Variants in AFF3 observed in about 807,000 individuals in gnomAD.
The protein encoded by AFF3 is ALF transcription elongation factor 3, also known as AF4/FMR2 family member 3.
Under a neutral mutation model 129.7 loss-of-function variants are expected in AFF3, and 32 were observed. The observed-to-expected ratio is 0.25, with a 90% CI of 0.19 to 0.33. The LOEUF (loss-of-function observed/expected upper bound fraction) is 0.33. Among genes scored for constraint, AFF3 ranks in the 10% least tolerant of loss-of-function variants. AFF3 has a pLI of 1.00. For synonymous variants in AFF3, 644 were observed against 635.4 expected (o/e 1.01, Z -0.20); for missense variants, 1,373 against 1,592.0 (o/e 0.86, Z 2.34).
At chr2:99,918,165 A>G (rs1044932785) in intron 7 of AFF3, among the ~76,000 whole-genome samples, 3 of 152,104 alleles carry the variant, frequency 2.0e-5, no homozygotes, top group African/African-American at 7.2e-5. Context: ...AATATGGTGC[A>G]TTTTTCCCCC....
chr2:99,593,804 C>T lies in AFF3; in HGVS notation c.1857G>A (p.Val619=). The T allele has an allele frequency of 1.2e-6, 2 of 1,610,976 alleles. No individual in the cohort carries two copies. Among genetic ancestry groups the T allele is most frequent in the Non-Finnish European group, 1.7e-6 (2 of 1,179,440 alleles). ...TGGTTTTGGTGGGCTCCGGGGGGAC[C>T]ACCACGCTCGTCCCCAGCGCGTCCG... ...AAADALGTSV[V]VPPEPTKTRP... The change falls in exon 15 of 25, where the codon GTG becomes GTA. Residue 619 remains valine (V), a synonymous_variant. Coordinates refer to ENST00000672756, the MANE Select transcript of AFF3 (RefSeq NM_001386135.1).
intron 4 of AFF3, among the ~76,000 whole-genome samples, chr2:100,096,286 G>C (rs1484646444): frequency 2.0e-5 from 3 of 151,736 alleles, no homozygotes; most frequent in Non-Finnish European, 4.4e-5. Context: ...AGAACTGAGA[G>C]GCTATAAAAA....
At chr2:99,743,132 G>T (rs981949230) in intron 10 of AFF3, among the ~76,000 whole-genome samples, 2 of 67,604 alleles carry the variant, frequency 3.0e-5, no homozygotes, top group South Asian at 2.4e-3. Context: ...CCTCATCGCT[G>T]GTGCCTGTAC....
At chr2:99,981,464 C>T (rs1679396986) in intron 7 of AFF3, among the ~76,000 whole-genome samples, 1 of 152,158 alleles carries the variant, frequency 6.6e-6, no homozygotes, top group Non-Finnish European at 1.5e-5. Flanking sequence ...AAGTTAACAA[C>T]TATTTAAACT....
chr2:99,931,281 A>G (rs1346851879), intron 7 of AFF3, among the ~76,000 whole-genome samples: 1 of 152,260 alleles, frequency 6.6e-6, no homozygotes, highest in African/African-American at 2.4e-5. Context: ...GGAGATGTCA[A>G]GAAAAGTGAG....
At chr2:99,885,207 C>T (rs1576275248) in intron 7 of AFF3, among the ~76,000 whole-genome samples, 1 of 152,184 alleles carries the variant, frequency 6.6e-6, no homozygotes, top group Admixed American at 6.5e-5. Context: ...GGAACATCTG[C>T]TCATCCATCC....
chr2:99,702,011 T>C (rs1322849754), intron 11 of AFF3, among the ~76,000 whole-genome samples: 3 of 152,250 alleles, frequency 2.0e-5, no homozygotes, highest in Non-Finnish European at 4.4e-5. Context: ...CTTTTATTGC[T>C]GGGTAGCATT....
At chr2:99,819,279 G>C (rs1687470098) in intron 8 of AFF3, among the ~76,000 whole-genome samples, 1 of 152,104 alleles carries the variant, frequency 6.6e-6, no homozygotes. Context: ...GATTCTTCAG[G>C]GAAGTCTGCT....
At chr2:100,114,477 G>C (rs1691650670) in intron 2 of AFF3, among the ~76,000 whole-genome samples, 1 of 152,296 alleles carries the variant, frequency 6.6e-6, no homozygotes, top group Admixed American at 6.5e-5. Context: ...TGCCTCCCGA[G>C]TTCAAGGGAG....
chr2:99,594,400 C>T lies in AFF3; in HGVS notation c.1372-111G>A, dbSNP rs186663372. On this transcript the variant is annotated intron_variant, in intron 14 of 24. Coordinates refer to ENST00000672756, the MANE Select transcript of AFF3 (RefSeq NM_001386135.1). ...CTTCTCTAAGTATATGAGCAGAAAA[C>T]GAATGGGCTGGAAGCAAAAGGAAAA... 5.3e-5 allele frequency: 77 copies of T among 1,446,808 alleles called. No individual in the cohort carries two copies. The East Asian group carries it at 1.6e-3, about 29-fold the overall frequency. The allele number at this position is 1,446,808 out of a possible 1,614,324, so 89.6% of individuals were successfully genotyped here. A position where few individuals can be genotyped will look rare whatever the true frequency, so the allele number is the denominator to read the frequency against.
intron 7 of AFF3, among the ~76,000 whole-genome samples, chr2:99,881,504 C>T (rs200399656): frequency 2.7e-5 from 4 of 149,842 alleles, no homozygotes; most frequent in African/African-American, 4.9e-5. Flanking sequence ...AGTACTTGAA[C>T]ACTTTATGGG....
chr2:99,715,908 G>A (rs371484454), intron 11 of AFF3, among the ~76,000 whole-genome samples: 3 of 152,242 alleles, frequency 2.0e-5, no homozygotes, highest in South Asian at 4.1e-4. Flanking sequence ...TCCTGACCTC[G>A]TGATCCGCCT....
rs113403180 is a variant in AFF3, at chr2:99,676,894, G to A, written c.1092-4305C>T. On this transcript the variant is annotated intron_variant, in intron 11 of 24. Transcript: ENST00000672756. ...GCCCTGGGAGCTAGCGGGTGGCCACGAGGCCAGGAGTCCCTCCACGAGGAG... is the reference window on the plus strand; with the variant it reads ...GCCCTGGGAGCTAGCGGGTGGCCACAAGGCCAGGAGTCCCTCCACGAGGAG... Among the ~76,000 whole-genome samples the A allele has an allele frequency of 3.5e-4, 54 of 152,248 alleles. 1 individual carries two copies. Among genetic ancestry groups the A allele is most frequent in the African/African-American group, 1.2e-3 (49 of 41,546 alleles).
chr2:99,946,473 T>TAAAAA (rs55672296), intron 7 of AFF3, among the ~76,000 whole-genome samples: 1,577 of 50,368 alleles, frequency 0.031, 73 homozygotes, highest in Non-Finnish European at 0.049. Context: ...GACGCCATCT[T>TAAAAA]AAAAAAAAAA....
chr2:99,827,222 C>T (rs534005184), intron 8 of AFF3, among the ~76,000 whole-genome samples: 2 of 152,042 alleles, frequency 1.3e-5, no homozygotes, highest in Non-Finnish European at 2.9e-5. Context: ...ACAGATGTTA[C>T]CAGACACCAT....
At chr2:99,970,895 A>G (rs1043409815) in intron 7 of AFF3, among the ~76,000 whole-genome samples, 1 of 152,220 alleles carries the variant, frequency 6.6e-6, no homozygotes, top group African/African-American at 2.4e-5. Flanking sequence ...TCAACCGTCA[A>G]CCTGGCTTCT....
At chr2:99,965,904 G>A (rs192434300) in intron 7 of AFF3, among the ~76,000 whole-genome samples, 2 of 152,256 alleles carry the variant, frequency 1.3e-5, no homozygotes, top group Admixed American at 1.3e-4. Context: ...TAGACATGGT[G>A]CTTTGTTCTT....
chr2:100,126,161 CG>C, intron 2 of AFF3, among the ~76,000 whole-genome samples: 1 of 152,198 alleles, frequency 6.6e-6, no homozygotes, highest in East Asian at 1.9e-4. Flanking sequence ...CTGGGAATGC[CG>C]GGGAAATGGC....
At chr2:99,647,711 C>T (rs1287566664) in intron 13 of AFF3, among the ~76,000 whole-genome samples, 2 of 152,296 alleles carry the variant, frequency 1.3e-5, no homozygotes, top group East Asian at 3.9e-4. Context: ...TACACAACTG[C>T]ACTGCTAGAA....
Sources: gnomAD v4.1 joint callset for allele counts (sites outside exome capture counted in the v4.1 genomes callset) on GRCh38, gnomAD v4.1.1 for gene constraint, MANE v1.5 for transcripts, NCBI Gene and HGNC (gene_info 2026-07-23, HGNC 2026-07-21) for gene names.